Variants in SCN8A observed in about 807,000 individuals in gnomAD.
SCN8A encodes sodium channel protein type 8 subunit alpha.
SCN8A carries 30 observed loss-of-function variants against 184.1 expected under a neutral mutation model. That is an observed-to-expected ratio of 0.16 (90% CI 0.12 to 0.22). The LOEUF (loss-of-function observed/expected upper bound fraction) is 0.22, where lower values mean the gene tolerates loss of function less well. SCN8A is among the 10% of genes least tolerant of loss of function. The probability of loss-of-function intolerance (pLI) is 1.00; values close to 1 mark genes in which losing one functional copy is unlikely to be tolerated. For missense variants in SCN8A, 1,057 were observed against 2,498.9 expected, an observed-to-expected ratio of 0.42 and a Z score of 12.30; for synonymous variants, 852 against 907.0, an observed-to-expected ratio of 0.94 and a Z score of 1.09.
intron 12 of SCN8A, among the ~76,000 whole-genome samples, chr12:51,739,951 T>C (rs956227319): frequency 6.6e-6 from 1 of 152,222 alleles, no homozygotes; most frequent in South Asian, 2.1e-4. Context: ...TTTCTATAGA[T>C]ATTAAATTAA....
intron 12 of SCN8A, among the ~76,000 whole-genome samples, chr12:51,744,956 T>TA (rs1474229362): frequency 3.3e-5 from 5 of 152,174 alleles, no homozygotes; most frequent in Non-Finnish European, 7.3e-5. Flanking sequence ...TCTGTCCTCT[T>TA]ACCTTCACCA....
rs895724195 is a variant in SCN8A at position 51,644,503 on chromosome 12, G to A, written c.-54-18261G>A. Among the ~76,000 whole-genome samples the A allele has an allele frequency of 3.3e-5, 5 of 152,230 alleles. No individual in the cohort carries two copies. The South Asian group carries it at 1.0e-3, about 31-fold the overall frequency. On this transcript the variant is annotated intron_variant, in intron 1 of 26. Transcript: ENST00000627620. Reference sequence around the variant, plus strand: ...AAACAATTATTGGAAGTATTATTAAGACCTACTTCAGACGGAGTCTCGTTC... The same window carrying A: ...AAACAATTATTGGAAGTATTATTAAAACCTACTTCAGACGGAGTCTCGTTC...
intron 22 of SCN8A, among the ~76,000 whole-genome samples, 181 bp downstream of exon 22, chr12:51,787,007 C>T (rs2138904965): frequency 6.6e-6 from 1 of 152,268 alleles, no homozygotes; most frequent in Admixed American, 6.5e-5. Flanking sequence ...TATTCTCTGA[C>T]TTCTACAAGA....
intron 15 of SCN8A, among the ~76,000 whole-genome samples, 166 bp downstream of exon 15, chr12:51,762,842 A>T (rs1293650028): frequency 6.6e-6 from 1 of 152,228 alleles, no homozygotes; most frequent in African/African-American, 2.4e-5. Context: ...TTCCTAAAAT[A>T]CCTGATATGG....
intron 2 of SCN8A, 161 bp from the exon 3 acceptor site, chr12:51,684,013 G>A (rs984898137): frequency 6.2e-6 from 4 of 646,682 alleles, no homozygotes; most frequent in Non-Finnish European, 1.1e-5. Context: ...GGAGGGAGGT[G>A]GGGCAAACAT....
At position 51,808,686 on chromosome 12, in the gene SCN8A, G is replaced by T. The variant is rs1009014886; in HGVS notation, c.*1257G>T. 4 of 152,164 alleles carry T rather than the reference G, an allele frequency of 2.6e-5. No individual in the cohort carries two copies. Among genetic ancestry groups the T allele is most frequent in the Non-Finnish European group, 5.9e-5 (4 of 68,038 alleles). 9.4% of individuals were successfully genotyped at this position (152,164 alleles called of 1,614,324 possible). On this transcript the variant is annotated 3_prime_UTR_variant, in exon 27 of 27. Transcript: ENST00000627620. ...GACCTTTCATTGGGAGTTATGGGGT[G>T]CTCATTTCATTTCGTATCATGTCCT...
At chr12:51,720,775 T>C (rs908338386) in intron 11 of SCN8A, among the ~76,000 whole-genome samples, 3 of 151,990 alleles carry the variant, frequency 2.0e-5, no homozygotes, top group Admixed American at 6.6e-5. Flanking sequence ...TTTTAAATTC[T>C]GTCTTTTTGG....
At chr12:51,640,049 G>A (rs1592347254) in intron 1 of SCN8A, among the ~76,000 whole-genome samples, 1 of 146,672 alleles carries the variant, frequency 6.8e-6, no homozygotes. Flanking sequence ...GACTATGGGT[G>A]TGCACCACCA....
chr12:51,761,443 CTATTTATTTATT>C (rs147096948), intron 14 of SCN8A, among the ~76,000 whole-genome samples: 2 of 149,906 alleles, frequency 1.3e-5, no homozygotes, highest in African/African-American at 4.9e-5. Flanking sequence ...ATTTTATTCA[CTATTTATTTATT>C]TATTTATTTA....
chr12:51,641,239 G>A (rs1341296340), intron 1 of SCN8A, among the ~76,000 whole-genome samples: 1 of 152,188 alleles, frequency 6.6e-6, no homozygotes. Context: ...TAGGTTATAT[G>A]CAAATACTAC....
rs1259864188 is a variant in SCN8A, at chr12:51,689,097, G to A, written c.706+1G>A. On this transcript the variant is annotated splice_donor_variant, in intron 6 of 26. Transcript: ENST00000627620. LOFTEE classifies it high-confidence loss of function. ...TTGAAAACTATCTCTGTAATTCCAG[G>A]TGAGAAAATTTGTACATAAGACTGA... is the stretch of plus-strand genomic sequence containing the variant. 4 of 1,604,238 alleles carry A rather than the reference G, an allele frequency of 2.5e-6. No individual in the cohort carries two copies. Among genetic ancestry groups the A allele is most frequent in the Non-Finnish European group, 3.4e-6 (4 of 1,174,660 alleles).
chr12:51,699,850 C>G, intron 7 of SCN8A, 59 bp downstream of exon 7: 2 of 1,433,658 alleles, frequency 1.4e-6, no homozygotes, highest in South Asian at 2.5e-5. Context: ...TTCACATGGT[C>G]AGAAGCTACC....
At chr12:51,621,558 T>A (rs995411432) in intron 1 of SCN8A, among the ~76,000 whole-genome samples, 2 of 152,250 alleles carry the variant, frequency 1.3e-5, no homozygotes, top group African/African-American at 4.8e-5. Flanking sequence ...GGCCACAGAC[T>A]AGGACATTGC....
chr12:51,786,991 C>T (rs1429532211), intron 22 of SCN8A, among the ~76,000 whole-genome samples, 165 bp downstream of exon 22: 1 of 152,152 alleles, frequency 6.6e-6, no homozygotes, highest in East Asian at 1.9e-4. Context: ...AGATACCTTT[C>T]CTGAGTATTC....
intron 1 of SCN8A, among the ~76,000 whole-genome samples, chr12:51,592,261 G>A (rs958440028): frequency 2.6e-5 from 4 of 151,788 alleles, no homozygotes; most frequent in African/African-American, 9.7e-5. Context: ...TTTCTCCTGA[G>A]AGCTCAGCTC....
intron 11 of SCN8A, among the ~76,000 whole-genome samples, chr12:51,710,738 T>C (rs1027536101): frequency 3.3e-5 from 5 of 152,240 alleles, no homozygotes; most frequent in African/African-American, 1.2e-4. Context: ...AATTTCTGCA[T>C]CATAGTTATT....
At chr12:51,788,589 C>T in intron 22 of SCN8A, 106 bp from the exon 23 acceptor site, 1 of 724,908 alleles carries the variant, frequency 1.4e-6, no homozygotes, top group African/African-American at 1.8e-5. Flanking sequence ...ACCCAAACCC[C>T]TGTTCTGTGT....
intron 13 of SCN8A, among the ~76,000 whole-genome samples, chr12:51,750,666 A>G (rs1164437531): frequency 2.0e-5 from 3 of 152,176 alleles, no homozygotes; most frequent in African/African-American, 2.4e-5. Flanking sequence ...AAACACTTCC[A>G]TGGCACTTTC....
chr12:51,775,972 C>T (rs776333484), intron 20 of SCN8A, among the ~76,000 whole-genome samples: 5 of 152,206 alleles, frequency 3.3e-5, no homozygotes, highest in Non-Finnish European at 2.9e-5. Flanking sequence ...TGCTAAAGCA[C>T]TAACAGTCCT....
Sources: allele counts gnomAD v4.1 joint callset (sites outside exome capture counted in the v4.1 genomes callset), GRCh38; gene constraint gnomAD v4.1.1; transcripts MANE v1.5; gene names NCBI Gene and HGNC (gene_info 2026-07-23, HGNC 2026-07-21).